The following NUGGC variants were observed in gnomAD, a reference collection of about 807,000 sequenced individuals.
The protein encoded by NUGGC is nuclear GTPase SLIP-GC.
NUGGC carries 58 observed loss-of-function variants against 92.6 expected under a neutral mutation model. That is an observed-to-expected ratio of 0.63 (90% CI 0.51 to 0.78). NUGGC has a LOEUF of 0.78. Ranked by LOEUF, NUGGC falls within the 30% of genes least tolerant of loss-of-function variation. The pLI, the probability that NUGGC is intolerant of heterozygous loss-of-function variation, is 0.00. For synonymous variants in NUGGC, 376 were observed against 366.4 expected, an observed-to-expected ratio of 1.03 and a Z score of -0.30; for missense variants, 925 against 964.6, an observed-to-expected ratio of 0.96 and a Z score of 0.54.
At chr8:28,042,127 T>C (rs1310681155) in intron 12 of NUGGC, among the ~76,000 whole-genome samples, 2 of 152,186 alleles carry the variant, frequency 1.3e-5, no homozygotes, top group Admixed American at 6.5e-5. Flanking sequence ...CCACAATGAT[T>C]GTGAGGCCTC....
intron 3 of NUGGC, 95 bp from the exon 4 acceptor site, chr8:28,069,747 G>A (rs530911940): frequency 9.3e-5 from 62 of 664,076 alleles, no homozygotes; most frequent in Admixed American, 4.3e-4. Context: ...GCAGAGAAGG[G>A]AAAAAAAAAA....
chr8:28,032,854 C>T (rs542337833), intron 14 of NUGGC, among the ~76,000 whole-genome samples: 188 of 151,986 alleles, frequency 1.2e-3, no homozygotes, highest in African/African-American at 4.5e-3. Flanking sequence ...ACAGCATCTT[C>T]AGTGCATTCA....
At chr8:28,041,825 G>A (rs746302759) in intron 12 of NUGGC, among the ~76,000 whole-genome samples, 6 of 152,234 alleles carry the variant, frequency 3.9e-5, no homozygotes, top group Non-Finnish European at 8.8e-5. Flanking sequence ...GTCTAATCAG[G>A]GAGAAAACAT....
At chr8:28,033,788 A>G (rs1302503757) in intron 13 of NUGGC, 91 bp from the exon 14 acceptor site, 2 of 1,074,468 alleles carry the variant, frequency 1.9e-6, no homozygotes, top group East Asian at 4.8e-5. Flanking sequence ...GATCACTACC[A>G]AGAATCACAG....
chr8:28,035,301 G>A (rs1421838256), intron 13 of NUGGC, among the ~76,000 whole-genome samples: 1 of 152,172 alleles, frequency 6.6e-6, no homozygotes, highest in Non-Finnish European at 1.5e-5. Context: ...GAACATAGCG[G>A]TGCAGTGGCT....
At chr8:28,078,103 A>G (rs138318617) in intron 1 of NUGGC, among the ~76,000 whole-genome samples, 16 of 152,368 alleles carry the variant, frequency 1.1e-4, no homozygotes, top group Middle Eastern at 3.4e-3. Context: ...AGCTGCATGC[A>G]ATGAAGACAG....
intron 10 of NUGGC, among the ~76,000 whole-genome samples, chr8:28,051,715 G>A (rs1326072172): frequency 6.6e-6 from 1 of 152,134 alleles, no homozygotes; most frequent in Non-Finnish European, 1.5e-5. Context: ...CTGAGGTCGG[G>A]AGTTTGAGAC....
intron 18 of NUGGC, among the ~76,000 whole-genome samples, chr8:28,025,642 A>AG (rs33960768): frequency 0.82 from 125,451 of 152,078 alleles, 52,011 homozygotes; most frequent in Non-Finnish European, 0.85. Flanking sequence ...GGAGTCCGTT[A>AG]GATCAGGTTA....
intron 6 of NUGGC, among the ~76,000 whole-genome samples, chr8:28,065,525 A>G (rs575779925): frequency 9.9e-5 from 15 of 152,284 alleles, no homozygotes; most frequent in Non-Finnish European, 1.6e-4. Context: ...CTTGATATGT[A>G]GGCATTTCTA....
chr8:28,058,563 C>T (rs17058544), intron 8 of NUGGC, among the ~76,000 whole-genome samples: 2,455 of 152,330 alleles, frequency 0.016, 80 homozygotes, highest in African/African-American at 0.056. Context: ...GTTCCCATAG[C>T]ACCTGGCTTG....
chr8:28,027,089 C>T lies in NUGGC; in HGVS notation c.2155-37G>A, dbSNP rs145821524. The T allele has an allele frequency of 1.1e-3, 1,668 of 1,499,066 alleles. 21 individuals carry two copies. The African/African-American group carries it at 0.02, about 18-fold the overall frequency. 92.9% of individuals were successfully genotyped at this position (1,499,066 alleles called of 1,614,324 possible). A position where few individuals can be genotyped will look rare whatever the true frequency, so the allele number is the denominator to read the frequency against. ...GGACATTCAGTCTGTTAGGATGGTGCAGCCCAAGGAAAAGTGGATCTTATA... is the reference window on the plus strand; with the variant it reads ...GGACATTCAGTCTGTTAGGATGGTGTAGCCCAAGGAAAAGTGGATCTTATA... On this transcript the variant is annotated intron_variant, in intron 17 of 18. Coordinates refer to ENST00000413272, the MANE Select transcript of NUGGC (RefSeq NM_001010906.2).
At chr8:28,074,203 T>A (rs1216766554) in intron 2 of NUGGC, among the ~76,000 whole-genome samples, 165 bp downstream of exon 2, 1 of 152,106 alleles carries the variant, frequency 6.6e-6, no homozygotes, top group African/African-American at 2.4e-5. Context: ...TGTTGAAATA[T>A]CTGATCTTCA....
chr8:28,033,436 A>G, intron 14 of NUGGC, 104 bp downstream of exon 14: 1 of 1,114,458 alleles, frequency 9.0e-7, no homozygotes, highest in Admixed American at 2.7e-5. Flanking sequence ...CTCCAGTTAC[A>G]AGCTACTCTT....
Position 28,067,635 on chromosome 8 carries a change from G to T in NUGGC, c.590C>A (p.Thr197Asn). 1 of 1,613,918 alleles carries T rather than the reference G, an allele frequency of 6.2e-7. No individual in the cohort carries two copies. The highest frequency in any genetic ancestry group is 8.5e-7 in the Non-Finnish European group (1 of 1,179,816). The change falls in exon 6 of 19, where the codon ACC (threonine) becomes AAC (asparagine). Residue 197 changes from threonine to asparagine, a missense_variant. Thr to Asn is a moderately conservative substitution (Grantham distance 65, BLOSUM62 0). Transcript: ENST00000413272. ...WNRDEAVEEATWKLQMIYGNG... is the reference protein window; with the variant it reads ...WNRDEAVEEANWKLQMIYGNG... ...TCCATAAATCATTTGTAGCTTCCAG[G>T]TGGCTTCCTCCACTGCCTCATCCCT...
At chr8:28,027,662 C>A (rs1280174671) in intron 17 of NUGGC, among the ~76,000 whole-genome samples, 1 of 152,294 alleles carries the variant, frequency 6.6e-6, no homozygotes, top group East Asian at 1.9e-4. Flanking sequence ...GAAGCTGGAT[C>A]TCCTACGCTT....
intron 7 of NUGGC, among the ~76,000 whole-genome samples, chr8:28,064,213 C>T (rs1307600259): frequency 1.3e-5 from 2 of 152,220 alleles, no homozygotes; most frequent in African/African-American, 4.8e-5. Flanking sequence ...GTCCCCAACA[C>T]TTGGCCTCCC....
In NUGGC at chr8:28,058,725, C is replaced by T. The variant is rs962322088; in HGVS notation, c.1098-449G>A. ...ATGTTAATTTTTTTTTTTTTTGAGA[C>T]GGAGTCTCACTCTGTTGCCCAGGCT... On this transcript the variant is annotated intron_variant, in intron 8 of 18. Coordinates refer to ENST00000413272, the MANE Select transcript of NUGGC (RefSeq NM_001010906.2). Among the ~76,000 whole-genome samples, 7 of 149,226 alleles carry T rather than the reference C, an allele frequency of 4.7e-5. No individual in the cohort carries two copies. The East Asian group carries it at 1.2e-3, about 25-fold the overall frequency.
At position 28,033,632 on chromosome 8, in the gene NUGGC, A is replaced by T. The variant is rs776370818; in HGVS notation, c.1677T>A (p.Tyr559Ter). ...CAATTCTCGCCAGAGTCCTGGAGGC[A>T]TAGATGCCATTTTTCAGGCAAACAG... ...LKAVCLKNGI[Y>*]ASRTLARIDL... Residue 559 changes from tyrosine to a stop codon, truncating the protein, a stop_gained, in exon 14 of 19, where the codon TAT becomes TAA. Transcript: ENST00000413272. LOFTEE classifies it high-confidence loss of function. The T allele has an allele frequency of 6.2e-7, 1 of 1,613,988 alleles. No homozygotes were observed. Among genetic ancestry groups the T allele is most frequent in the South Asian group, 1.1e-5 (1 of 91,080 alleles).
At chr8:28,059,701 C>T (rs544385824) in intron 8 of NUGGC, among the ~76,000 whole-genome samples, 1 of 152,236 alleles carries the variant, frequency 6.6e-6, no homozygotes, top group African/African-American at 2.4e-5. Flanking sequence ...TTAAAAAGCT[C>T]AGGAGTACAA....
Sources: allele counts gnomAD v4.1 joint callset (sites outside exome capture counted in the v4.1 genomes callset), GRCh38; gene constraint gnomAD v4.1.1; transcripts MANE v1.5; gene names NCBI Gene and HGNC (gene_info 2026-07-23, HGNC 2026-07-21).